Variants in CPQ observed in about 807,000 individuals in gnomAD.
CPQ encodes carboxypeptidase Q, also known as Ser-Met dipeptidase.
Under a neutral mutation model 45.7 loss-of-function variants are expected in CPQ, and 37 were observed. The observed-to-expected ratio is 0.81, with a 90% CI of 0.62 to 1.07. The LOEUF (loss-of-function observed/expected upper bound fraction) is 1.07. Among genes scored for constraint, CPQ ranks in the 50% least tolerant of loss-of-function variants. CPQ has a pLI of 0.00. For synonymous variants in CPQ, 186 were observed against 205.8 expected, an observed-to-expected ratio of 0.90 and a Z score of 0.82; for missense variants, 537 against 572.9, an observed-to-expected ratio of 0.94 and a Z score of 0.64.
intron 1 of CPQ, among the ~76,000 whole-genome samples, chr8:96,680,236 T>G (rs1459030451): frequency 6.6e-6 from 1 of 152,194 alleles, no homozygotes; most frequent in Non-Finnish European, 1.5e-5. Flanking sequence ...CCAAAGTTCC[T>G]CTTGTTACTG....
At chr8:97,008,669 T>C (rs1809429698) in intron 5 of CPQ, among the ~76,000 whole-genome samples, 2 of 152,196 alleles carry the variant, frequency 1.3e-5, no homozygotes, top group Non-Finnish European at 2.9e-5. Flanking sequence ...GTCCTGTTTC[T>C]GCCCATTATT....
intron 3 of CPQ, among the ~76,000 whole-genome samples, chr8:96,876,928 A>G (rs1402228744): frequency 2.6e-5 from 4 of 152,270 alleles, no homozygotes; most frequent in African/African-American, 9.6e-5. Flanking sequence ...TTTTGATGAC[A>G]GTAATGGTGG....
intron 1 of CPQ, among the ~76,000 whole-genome samples, chr8:96,772,888 G>A (rs74860485): frequency 0.042 from 6,416 of 152,244 alleles, 178 homozygotes; most frequent in Middle Eastern, 0.099. Context: ...TTAGTTAAGT[G>A]CTAACATGGA....
chr8:97,133,665 G>T (rs1438217740), intron 7 of CPQ, among the ~76,000 whole-genome samples: 1 of 152,118 alleles, frequency 6.6e-6, no homozygotes, highest in Non-Finnish European at 1.5e-5. Flanking sequence ...ATAAAAACTG[G>T]TTAATGTCTT....
intron 1 of CPQ, among the ~76,000 whole-genome samples, chr8:96,689,600 G>GC (rs1720515641): frequency 6.6e-6 from 1 of 152,148 alleles, no homozygotes; most frequent in African/African-American, 2.4e-5. Context: ...AAGTTTGTCA[G>GC]CAGTCATTGT....
At chr8:97,005,612 C>T (rs1809368499) in intron 5 of CPQ, among the ~76,000 whole-genome samples, 1 of 152,108 alleles carries the variant, frequency 6.6e-6, no homozygotes. Context: ...TTCTCCTACA[C>T]TAACATTTAA....
chr8:97,047,190 T>G (rs1277664324), intron 6 of CPQ, among the ~76,000 whole-genome samples: 1 of 152,220 alleles, frequency 6.6e-6, no homozygotes, highest in East Asian at 1.9e-4. Flanking sequence ...GACCATGTAC[T>G]GTTTTCCTTA....
intron 4 of CPQ, among the ~76,000 whole-genome samples, chr8:96,950,885 AG>A (rs1423976218): frequency 6.6e-6 from 1 of 152,064 alleles, no homozygotes; most frequent in Non-Finnish European, 1.5e-5. Flanking sequence ...CAGCTTGCTG[AG>A]GTTCCTAGTA....
chr8:96,970,365 G>T (rs1352861291), intron 5 of CPQ, among the ~76,000 whole-genome samples: 1 of 152,092 alleles, frequency 6.6e-6, no homozygotes, highest in East Asian at 1.9e-4. Flanking sequence ...GATTACTATT[G>T]TAAGCATTGT....
At chr8:96,814,593 A>G (rs1322516418) in intron 2 of CPQ, among the ~76,000 whole-genome samples, 2 of 152,204 alleles carry the variant, frequency 1.3e-5, no homozygotes, top group Non-Finnish European at 2.9e-5. Flanking sequence ...CAACATATAT[A>G]TCATTTTCAA....
intron 1 of CPQ, among the ~76,000 whole-genome samples, chr8:96,779,387 G>A (rs907742477): frequency 1.3e-5 from 2 of 152,084 alleles, no homozygotes; most frequent in East Asian, 3.9e-4. Flanking sequence ...CTGCATTTGG[G>A]TATTCCTCTT....
intron 3 of CPQ, among the ~76,000 whole-genome samples, chr8:96,879,262 T>C (rs1812188714): frequency 6.6e-6 from 1 of 152,214 alleles, no homozygotes; most frequent in Non-Finnish European, 1.5e-5. Flanking sequence ...AGAATAGGAA[T>C]ATATTCCCAG....
chr8:96,953,995 A>C (rs1300800804), intron 4 of CPQ, among the ~76,000 whole-genome samples: 1 of 152,170 alleles, frequency 6.6e-6, no homozygotes, highest in Non-Finnish European at 1.5e-5. Flanking sequence ...AATATCTCCA[A>C]GGTATTGATG....
intron 3 of CPQ, among the ~76,000 whole-genome samples, chr8:96,879,296 G>A (rs533518373): frequency 6.6e-6 from 1 of 152,234 alleles, no homozygotes; most frequent in Non-Finnish European, 1.5e-5. Context: ...CTTTTCCTGC[G>A]TGGTGTTCTA....
intron 5 of CPQ, among the ~76,000 whole-genome samples, chr8:96,967,977 C>A (rs1303752455): frequency 6.6e-6 from 1 of 152,190 alleles, no homozygotes; most frequent in South Asian, 2.1e-4. Context: ...CCCAAGTTAT[C>A]AATAAATGTT....
chr8:97,032,338 AT>A (rs1228577345), intron 6 of CPQ, among the ~76,000 whole-genome samples: 1 of 152,190 alleles, frequency 6.6e-6, no homozygotes, highest in Non-Finnish European at 1.5e-5. Context: ...GAGTATTGAC[AT>A]CCAGCTGGCA....
At chr8:96,726,716 C>G (rs1198974298) in intron 1 of CPQ, among the ~76,000 whole-genome samples, 1 of 152,130 alleles carries the variant, frequency 6.6e-6, no homozygotes, top group Non-Finnish European at 1.5e-5. Context: ...GCGATTACAA[C>G]TGAACATGAG....
At chr8:97,142,546 C>A (rs996267066) in intron 7 of CPQ, among the ~76,000 whole-genome samples, 4 of 152,324 alleles carry the variant, frequency 2.6e-5, no homozygotes, top group East Asian at 1.9e-4. Context: ...AAAGAAGATA[C>A]TGTCTTTTTA....
chr8:96,768,578 C>A (rs140930670), intron 1 of CPQ, among the ~76,000 whole-genome samples: 1 of 152,118 alleles, frequency 6.6e-6, no homozygotes, highest in East Asian at 1.9e-4. Flanking sequence ...GATTTTAAAA[C>A]GGAATGGTGA....
Sources: gnomAD v4.1 joint callset for allele counts (sites outside exome capture counted in the v4.1 genomes callset) on GRCh38, gnomAD v4.1.1 for gene constraint, MANE v1.5 for transcripts, NCBI Gene and HGNC (gene_info 2026-07-23, HGNC 2026-07-21) for gene names.